DNAAF5: variants seen among roughly 807,000 people sequenced by gnomAD.
The protein encoded by DNAAF5 is HEAT repeat containing 2.
Under a neutral mutation model 75.8 loss-of-function variants are expected in DNAAF5, and 64 were observed. The ratio of observed to expected loss-of-function variants is 0.84; its 90% CI spans 0.69 to 1.04. The LOEUF (loss-of-function observed/expected upper bound fraction) is 1.04, where lower values mean the gene tolerates loss of function less well. Ranked by LOEUF, DNAAF5 falls within the 50% of genes least tolerant of loss-of-function variation. DNAAF5 has a pLI of 0.00. For synonymous variants in DNAAF5, 657 were observed against 557.2 expected (o/e 1.18, Z -2.52); for missense variants, 1,269 against 1,178.5 (o/e 1.08, Z -1.12).
At chr7:769,651 A>G (rs1047927870) in intron 8 of DNAAF5, among the ~76,000 whole-genome samples, 16 of 152,384 alleles carry the variant, frequency 1.0e-4, no homozygotes, top group African/African-American at 3.6e-4. Flanking sequence ...AAGTTTAAGA[A>G]AAATGGAAGG....
chr7:764,506 G>A (rs940581007), intron 8 of DNAAF5, among the ~76,000 whole-genome samples: 3 of 152,196 alleles, frequency 2.0e-5, no homozygotes, highest in Admixed American at 6.5e-5. Context: ...TGGGACACAC[G>A]GCCCGCGCTG....
chr7:783,628 G>T (rs538321420), intron 12 of DNAAF5, among the ~76,000 whole-genome samples: 129 of 152,340 alleles, frequency 8.5e-4, no homozygotes, highest in Non-Finnish European at 1.4e-3. Flanking sequence ...GCGAATTGGA[G>T]ACCAATTGGA....
intron 6 of DNAAF5, among the ~76,000 whole-genome samples, chr7:758,053 A>G (rs535604480): frequency 6.6e-6 from 1 of 152,366 alleles, no homozygotes; most frequent in African/African-American, 2.4e-5. Context: ...GAGCTGGGGT[A>G]AGGAAGGGAG....
At chr7:752,105 G>T (rs1216720000) in intron 4 of DNAAF5, among the ~76,000 whole-genome samples, 1 of 152,182 alleles carries the variant, frequency 6.6e-6, no homozygotes, top group Non-Finnish European at 1.5e-5. Flanking sequence ...AGAGCGTCCA[G>T]AAACAGGCGC....
chr7:736,820 C>T (rs768753312), intron 2 of DNAAF5, among the ~76,000 whole-genome samples: 29 of 150,702 alleles, frequency 1.9e-4, no homozygotes, highest in Non-Finnish European at 4.0e-4. Flanking sequence ...AGATGATTTT[C>T]TCTGGCGGTA....
intron 8 of DNAAF5, among the ~76,000 whole-genome samples, chr7:767,823 T>G (rs1210380544): frequency 6.8e-6 from 1 of 146,410 alleles, no homozygotes; most frequent in Non-Finnish European, 1.5e-5. Flanking sequence ...AGACACGTGG[T>G]CCGGGTGGAA....
intron 4 of DNAAF5, among the ~76,000 whole-genome samples, chr7:746,278 CCT>C (rs1410170531): frequency 4.2e-5 from 6 of 141,992 alleles, no homozygotes; most frequent in Admixed American, 7.0e-5. Context: ...CTTGCCCCCC[CCT>C]GCCCGCTGGG....
intron 8 of DNAAF5, among the ~76,000 whole-genome samples, chr7:765,245 T>C (rs1472884291): frequency 1.3e-5 from 2 of 152,132 alleles, no homozygotes. Context: ...AGCCGGCCTG[T>C]GTGGTGGGAA....
At chr7:730,345 A>G (rs1781526639) in intron 2 of DNAAF5, among the ~76,000 whole-genome samples, 1 of 152,028 alleles carries the variant, frequency 6.6e-6, no homozygotes, top group African/African-American at 2.4e-5. Flanking sequence ...TCTGGCCTGG[A>G]GGGCATGTCT....
At chr7:728,019 G>A (rs1562370632) in intron 1 of DNAAF5, among the ~76,000 whole-genome samples, 1 of 151,910 alleles carries the variant, frequency 6.6e-6, no homozygotes, top group Non-Finnish European at 1.5e-5. Flanking sequence ...TTCACTTTCT[G>A]TCCCATTCAT....
intron 12 of DNAAF5, among the ~76,000 whole-genome samples, chr7:784,187 CCT>C (rs961540275): frequency 3.0e-4 from 45 of 152,202 alleles, no homozygotes; most frequent in Non-Finnish European, 3.4e-4. Context: ...CACGCACCCT[CCT>C]CTGGCTGCGG....
At chr7:756,397 G>A (rs1191953280) in intron 5 of DNAAF5, among the ~76,000 whole-genome samples, 1 of 151,922 alleles carries the variant, frequency 6.6e-6, no homozygotes, top group Non-Finnish European at 1.5e-5. Context: ...GTGCAGAGGG[G>A]CTGGTGAGTG....
intron 8 of DNAAF5, among the ~76,000 whole-genome samples, chr7:768,140 C>T (rs912338623): frequency 1.0e-5 from 1 of 99,694 alleles, no homozygotes; most frequent in Non-Finnish European, 2.0e-5. Context: ...GTCCATGCTG[C>T]GAGCGCTCGC....
intron 7 of DNAAF5, among the ~76,000 whole-genome samples, chr7:762,523 C>CT (rs909541796): frequency 3.3e-5 from 5 of 152,002 alleles, no homozygotes; most frequent in African/African-American, 1.2e-4. Context: ...GCATGTGTGA[C>CT]TGAGTCGAGA....
At chr7:771,623 GC>G (rs1289137478) in intron 9 of DNAAF5, 8 of 152,250 alleles carry the variant, frequency 5.3e-5, no homozygotes, top group African/African-American at 1.9e-4. Context: ...AGACTTCAGG[GC>G]TTAGAACGGA....
rs759445631 is a variant in DNAAF5 at position 741,304 on chromosome 7, G to C, written c.906-43G>C. 26 of 1,470,378 alleles carry C rather than the reference G, an allele frequency of 1.8e-5. No individual in the cohort carries two copies. The Admixed American group carries it at 4.1e-4, about 23-fold the overall frequency. 91.1% of individuals were successfully genotyped at this position (1,470,378 alleles called of 1,614,324 possible). A position where few individuals can be genotyped will look rare whatever the true frequency, so the allele number is the denominator to read the frequency against. On this transcript the variant is annotated intron_variant, in intron 3 of 12. Transcript: ENST00000297440. ...GGCGCAGCCCTGCGGCCTCCCCTGC[G>C]TGCCCTGCCCTGAGCCACTGTTGTC...
At chr7:767,843 C>A (rs1182145553) in intron 8 of DNAAF5, among the ~76,000 whole-genome samples, 1 of 150,000 alleles carries the variant, frequency 6.7e-6, no homozygotes, top group Non-Finnish European at 1.5e-5. Context: ...AGTGTCCCTG[C>A]TGCGAGCAGG....
chr7:728,034 C>G, intron 1 of DNAAF5, among the ~76,000 whole-genome samples: 1 of 152,084 alleles, frequency 6.6e-6, no homozygotes, highest in Non-Finnish European at 1.5e-5. Flanking sequence ...ATTCATCCTA[C>G]TCCCCTGCCT....
Position 756,854 on chromosome 7 carries a change from C to T in DNAAF5, c.1330C>T (p.Leu444=). 6.2e-7 allele frequency: 1 copy of T among 1,613,986 alleles called. No individual in the cohort carries two copies. The highest frequency in any genetic ancestry group is 8.5e-7 in the Non-Finnish European group (1 of 1,180,018). Residue 444 remains leucine (L), a synonymous_variant, in exon 6 of 13, where the codon CTG becomes TTG. Coordinates refer to ENST00000297440, the MANE Select transcript of DNAAF5 (RefSeq NM_017802.4). ...GTTTCTGAAGCTGATCTTATCGACG[C>T]TGAAGAAGACGCCCTCTGCCTCCGG... ...EVFLKLILST[L]KKTPSASGLL...
Sources: allele counts gnomAD v4.1 joint callset (sites outside exome capture counted in the v4.1 genomes callset), GRCh38; gene constraint gnomAD v4.1.1; transcripts MANE v1.5; gene names NCBI Gene and HGNC (gene_info 2026-07-23, HGNC 2026-07-21).